Variants in SLC24A4 observed in about 807,000 individuals in gnomAD.
SLC24A4 encodes solute carrier family 24 member 4.
In SLC24A4, 53 loss-of-function variants were observed where a neutral mutation model predicts 79.0. The observed-to-expected ratio is 0.67, with a 90% CI of 0.54 to 0.84. The LOEUF is 0.84. SLC24A4 is among the 40% of genes least tolerant of loss of function. The probability of loss-of-function intolerance (pLI) is 0.00; values close to 1 mark genes in which losing one functional copy is unlikely to be tolerated. For synonymous variants in SLC24A4, 323 were observed against 323.8 expected (o/e 1.00, Z 0.03); for missense variants, 731 against 822.0 (o/e 0.89, Z 1.35).
In SLC24A4 at chr14:92,399,302, C is replaced by T. The variant is rs542471734; in HGVS notation, c.242-34610C>T. On this transcript the variant is annotated intron_variant, in intron 2 of 16. Transcript: ENST00000532405. Reference sequence around the variant, plus strand: ...CTCACCTTGATTTTGGCACCTACTACGTAGGGATAAAGATTTTCCATTTGG... The same window carrying T: ...CTCACCTTGATTTTGGCACCTACTATGTAGGGATAAAGATTTTCCATTTGG... 1.5e-4 allele frequency among the ~76,000 whole-genome samples: 23 copies of T among 152,250 alleles called. No individual in the cohort carries two copies. In the East Asian group the frequency reaches 1.7e-3, roughly 11 times the overall value.
At chr14:92,336,317 T>C (rs1056931731) in intron 2 of SLC24A4, among the ~76,000 whole-genome samples, 1 of 152,210 alleles carries the variant, frequency 6.6e-6, no homozygotes, top group Non-Finnish European at 1.5e-5. Context: ...CTTTAGAACA[T>C]GGCATTTTAC....
chr14:92,473,522 A>G (rs942440230), intron 12 of SLC24A4, among the ~76,000 whole-genome samples: 3 of 152,126 alleles, frequency 2.0e-5, no homozygotes, highest in Admixed American at 6.5e-5. Flanking sequence ...TCGTAACTCT[A>G]TTGCTTAGGA....
chr14:92,373,190 A>ACG (rs1185043715), intron 2 of SLC24A4, among the ~76,000 whole-genome samples: 2 of 57,172 alleles, frequency 3.5e-5, no homozygotes, highest in African/African-American at 5.3e-5. Flanking sequence ...ACACACACAC[A>ACG]CACGCACACA....
intron 2 of SLC24A4, among the ~76,000 whole-genome samples, chr14:92,404,637 C>A (rs1890279140): frequency 6.6e-6 from 1 of 152,184 alleles, no homozygotes; most frequent in South Asian, 2.1e-4. Flanking sequence ...GTGCAAATAA[C>A]ACCTCCTAGT....
At chr14:92,384,331 G>T (rs762298385) in intron 2 of SLC24A4, among the ~76,000 whole-genome samples, 14 of 151,964 alleles carry the variant, frequency 9.2e-5, no homozygotes, top group Non-Finnish European at 1.3e-4. Context: ...AGGGAGTGTT[G>T]CGCATTACAG....
intron 12 of SLC24A4, among the ~76,000 whole-genome samples, chr14:92,465,701 G>A (rs12879396): frequency 0.52 from 78,935 of 151,894 alleles, 22,934 homozygotes; most frequent in Non-Finnish European, 0.65. Flanking sequence ...CTGTGCCTGT[G>A]TGAGAAGGAG....
intron 12 of SLC24A4, among the ~76,000 whole-genome samples, chr14:92,460,087 A>G (rs1286030282): frequency 6.6e-6 from 1 of 152,212 alleles, no homozygotes; most frequent in African/African-American, 2.4e-5. Flanking sequence ...CGGAACCAGC[A>G]TAGCTTCGGG....
At chr14:92,335,420 T>A (rs1355949892) in intron 2 of SLC24A4, among the ~76,000 whole-genome samples, 1 of 152,192 alleles carries the variant, frequency 6.6e-6, no homozygotes, top group African/African-American at 2.4e-5. Context: ...AATGGCAGGA[T>A]CTCAGCTCAC....
rs1228959102 is a variant in SLC24A4, at chr14:92,497,637, C to T, written c.*4009C>T. ...CTCCATGGGCGACGGGTGAGTGGGG[C>T]TTAGGAAACTGGAACAGGGAAGGTT... On this transcript the variant is annotated 3_prime_UTR_variant, in exon 17 of 17. Coordinates refer to ENST00000532405, the MANE Select transcript of SLC24A4 (RefSeq NM_153646.4). 6.6e-6 allele frequency: 1 copy of T among 152,256 alleles called. No homozygotes were observed. The highest frequency in any genetic ancestry group is 1.5e-5 in the Non-Finnish European group (1 of 68,102). The allele number at this position is 152,256 out of a possible 1,614,324, so 9.4% of individuals were successfully genotyped here. A position where few individuals can be genotyped will look rare whatever the true frequency, so the allele number is the denominator to read the frequency against.
intron 2 of SLC24A4, among the ~76,000 whole-genome samples, chr14:92,380,638 T>C (rs972601115): frequency 6.6e-6 from 1 of 152,130 alleles, no homozygotes; most frequent in Admixed American, 6.5e-5. Flanking sequence ...TTGAGGCAGG[T>C]GTAATTTATC....
intron 2 of SLC24A4, among the ~76,000 whole-genome samples, chr14:92,345,949 G>C (rs1886502704): frequency 1.3e-5 from 2 of 152,154 alleles, no homozygotes; most frequent in South Asian, 4.1e-4. Flanking sequence ...AAAATAAATA[G>C]TGATCAGGAG....
intron 2 of SLC24A4, among the ~76,000 whole-genome samples, chr14:92,427,300 CCAGGTTTGTGCCAGGACCTGG>C (rs1193998457): frequency 3.3e-5 from 5 of 152,226 alleles, no homozygotes; most frequent in African/African-American, 1.2e-4. Flanking sequence ...CTACTTCGTG[CCAGGTTTGTGCCAGGACCTGG>C]CAGCACAGGC....
chr14:92,493,614 C>T lies in SLC24A4; in HGVS notation c.1855C>T (p.Arg619Trp), dbSNP rs754498050. Residue 619 changes from arginine (R) to tryptophan (W), a missense_variant, in exon 17 of 17, where the codon CGG becomes TGG. Physicochemically the swap from Arg to Trp is moderately radical, Grantham distance 101 (BLOSUM62 -3). Transcript: ENST00000532405. ...VFTFVNLPMC[R>W]EDD Reference sequence around the variant, plus strand: ...TACCTTCGTCAACTTGCCGATGTGCCGGGAAGACGATTAGCGCTGAGTCGC... The same window carrying T: ...TACCTTCGTCAACTTGCCGATGTGCTGGGAAGACGATTAGCGCTGAGTCGC... 4.0e-5 allele frequency: 65 copies of T among 1,614,140 alleles called. No individual in the cohort carries two copies. Among genetic ancestry groups the T allele is most frequent in the South Asian group, 2.2e-4 (20 of 91,066 alleles).
At chr14:92,493,127 A>G (rs917853427) in intron 16 of SLC24A4, among the ~76,000 whole-genome samples, 1 of 152,076 alleles carries the variant, frequency 6.6e-6, no homozygotes, top group African/African-American at 2.4e-5. Context: ...TCATCCAGCT[A>G]AAGCCCCCAT....
rs761044743 is a variant in SLC24A4 at position 92,447,413 on chromosome 14, T to C, written c.726T>C (p.Ile242=). Residue 242 remains isoleucine, a synonymous_variant, in exon 9 of 17, where the codon ATT becomes ATC. Coordinates refer to ENST00000532405, the MANE Select transcript of SLC24A4 (RefSeq NM_153646.4). The part of the protein sequence containing the change: ...LVLIILYVFY[I]LIMKYNVKMQ... ...TCATCATCTTGTATGTGTTTTATAT[T>C]CTGATCATGAAGTAAGTGCCCTTTC... 2 of 1,613,958 alleles carry C rather than the reference T, an allele frequency of 1.2e-6. No homozygotes were observed. Among genetic ancestry groups the C allele is most frequent in the East Asian group, 2.2e-5 (1 of 44,898 alleles).
intron 2 of SLC24A4, among the ~76,000 whole-genome samples, chr14:92,349,367 C>G (rs1461328729): frequency 1.3e-5 from 2 of 152,196 alleles, no homozygotes; most frequent in Non-Finnish European, 2.9e-5. Flanking sequence ...GCCATGTTCA[C>G]CAGGCTGGTC....
chr14:92,399,591 G>A (rs1016243032), intron 2 of SLC24A4, among the ~76,000 whole-genome samples: 3 of 152,090 alleles, frequency 2.0e-5, no homozygotes, highest in African/African-American at 7.2e-5. Flanking sequence ...TTGCTTTCTG[G>A]TTATGGCTGT....
At chr14:92,411,732 C>A (rs1300410899) in intron 2 of SLC24A4, among the ~76,000 whole-genome samples, 5 of 152,074 alleles carry the variant, frequency 3.3e-5, no homozygotes, top group African/African-American at 7.3e-5. Context: ...CCTTCCCACA[C>A]CAGCAATGAT....
chr14:92,428,426 G>C (rs960889047), intron 2 of SLC24A4, among the ~76,000 whole-genome samples: 1 of 152,202 alleles, frequency 6.6e-6, no homozygotes, highest in South Asian at 2.1e-4. Flanking sequence ...GGGTCCCTGA[G>C]GGGGAGGTTC....
Sources: gnomAD v4.1 joint callset for allele counts (sites outside exome capture counted in the v4.1 genomes callset) on GRCh38, gnomAD v4.1.1 for gene constraint, MANE v1.5 for transcripts, NCBI Gene and HGNC (gene_info 2026-07-23, HGNC 2026-07-21) for gene names.